The following INTS6 variants were observed in gnomAD, a reference collection of about 807,000 sequenced individuals.
The protein encoded by INTS6 is integrator complex subunit 6, also known as DEAD box protein.
INTS6 carries 16 observed loss-of-function variants against 104.9 expected under a neutral mutation model. The observed-to-expected ratio is 0.15, with a 90% CI of 0.10 to 0.23. The LOEUF is 0.23. INTS6 is among the 10% of genes least tolerant of loss of function. INTS6 has a pLI of 1.00. For synonymous variants in INTS6, 324 were observed against 358.7 expected (o/e 0.90, Z 1.09); for missense variants, 584 against 1,062.8 (o/e 0.55, Z 6.26).
Position 51,381,973 on chromosome 13 carries a change from T to C in INTS6, c.1275+56A>G, listed in dbSNP as rs1956058742. ...GCCTCGGCCTCCCAAAGTGCTGGGA[T>C]TACAGGCGTGAGTCACTGCGCCCGG... On this transcript the variant is annotated intron_variant, in intron 10 of 17. Transcript: ENST00000311234. 31 of 1,169,238 alleles carry C rather than the reference T, an allele frequency of 2.7e-5. No homozygotes were observed. In the South Asian group the frequency reaches 3.5e-4, roughly 13 times the overall value. 72.4% of individuals were successfully genotyped at this position (1,169,238 alleles called of 1,614,324 possible). A position where few individuals can be genotyped will look rare whatever the true frequency, so the allele number is the denominator to read the frequency against.
At chr13:51,354,591 G>GAA (rs11318595) in intron 3 of INTS6, among the ~76,000 whole-genome samples, 4 of 129,990 alleles carry the variant, frequency 3.1e-5, no homozygotes, top group South Asian at 2.3e-4. Flanking sequence ...CCCCATCTCA[G>GAA]AAAAAAAAAA....
chr13:51,347,372 G>A, the INTS6 span: 1 of 736,042 alleles, frequency 1.4e-6, no homozygotes, highest in Non-Finnish European at 2.3e-6. Context: ...GGGCATGCAT[G>A]GCGGAAGGAA....
At chr13:51,396,168 A>G (rs1261898489) in intron 4 of INTS6, among the ~76,000 whole-genome samples, 1 of 152,194 alleles carries the variant, frequency 6.6e-6, no homozygotes, top group African/African-American at 2.4e-5. Context: ...CAGAGTCAGT[A>G]CTTTTTTATT....
chr13:51,368,907 C>A lies in INTS6; in HGVS notation c.2476+32G>T, dbSNP rs1204772205. The A allele has an allele frequency of 2.6e-6, 4 of 1,513,096 alleles. No homozygotes were observed. The African/African-American group carries it at 5.6e-5, about 21-fold the overall frequency. The allele number at this position is 1,513,096 out of a possible 1,614,324, so 93.7% of individuals were successfully genotyped here. A position where few individuals can be genotyped will look rare whatever the true frequency, so the allele number is the denominator to read the frequency against. On this transcript the variant is annotated intron_variant, in intron 16 of 17. Transcript: ENST00000311234. The stretch of plus-strand genomic sequence containing the variant: ...TTGCTTTTTGAGCACATACAGAAAT[C>A]AGATCTGAGGTTCGTCTCTTATTAT...
At chr13:51,346,826 G>A in the INTS6 span, among the ~76,000 whole-genome samples, 366 of 152,360 alleles carry the variant, frequency 2.4e-3, 10 homozygotes, top group Admixed American at 0.021. Context: ...GTCCCTGACA[G>A]CACAAGGAGC....
At chr13:51,383,094 C>A (rs1345431238) in intron 9 of INTS6, among the ~76,000 whole-genome samples, 1 of 150,476 alleles carries the variant, frequency 6.6e-6, no homozygotes, top group African/African-American at 2.5e-5. Flanking sequence ...CCTCCCCCAC[C>A]CCCCCGCAAA....
chr13:51,445,891 A>C (rs1952906444), intron 3 of INTS6: 1 of 152,242 alleles, frequency 6.6e-6, no homozygotes. Context: ...CAAAAGAATG[A>C]AGTTGGACCC....
chr13:51,426,734 T>C (rs2138086552), intron 4 of INTS6, among the ~76,000 whole-genome samples: 1 of 152,098 alleles, frequency 6.6e-6, no homozygotes, highest in Admixed American at 6.5e-5. Context: ...GAACACTGAA[T>C]AAGAACAGAA....
chr13:51,420,142 A>G (rs1438759140), intron 4 of INTS6, among the ~76,000 whole-genome samples: 2 of 152,178 alleles, frequency 1.3e-5, no homozygotes, highest in Non-Finnish European at 2.9e-5. Flanking sequence ...TTATTCAAGA[A>G]GCAAAGATCA....
the INTS6 span, among the ~76,000 whole-genome samples, chr13:51,347,678 A>G: frequency 1.3e-5 from 2 of 152,176 alleles, no homozygotes; most frequent in Non-Finnish European, 2.9e-5. Context: ...ATAATTCTCA[A>G]GTTTTAAACT....
chr13:51,394,394 T>C (rs1307604904), intron 5 of INTS6, among the ~76,000 whole-genome samples: 1 of 152,106 alleles, frequency 6.6e-6, no homozygotes, highest in African/African-American at 2.4e-5. Context: ...ATTTCCAAAA[T>C]CCATAGAATT....
At chr13:51,415,592 C>T (rs1427333246) in intron 4 of INTS6, among the ~76,000 whole-genome samples, 1 of 152,196 alleles carries the variant, frequency 6.6e-6, no homozygotes, top group Admixed American at 6.5e-5. Context: ...ACTTGCTCCT[C>T]CTTGCCTTCC....
rs558116678 is a variant in INTS6, at chr13:51,406,344, G to A, written c.430-10861C>T. 1.1e-4 allele frequency among the ~76,000 whole-genome samples: 17 copies of A among 152,136 alleles called. No individual in the cohort carries two copies. In the South Asian group the frequency reaches 1.3e-3, roughly 11 times the overall value. On this transcript the variant is annotated intron_variant, in intron 4 of 17. Coordinates refer to ENST00000311234, the MANE Select transcript of INTS6 (RefSeq NM_012141.3). Reference sequence around the variant, plus strand: ...TGTCAAACTAAACATGTTCAAAACTGAACTTAAGATTTTCCTCTACCCAAA... The same window carrying A: ...TGTCAAACTAAACATGTTCAAAACTAAACTTAAGATTTTCCTCTACCCAAA...
At position 51,452,890 on chromosome 13, in the gene INTS6, C is replaced by T. The variant is rs956917376; in HGVS notation, c.-365G>A. The T allele has an allele frequency of 2.7e-6, 3 of 1,129,766 alleles. No individual in the cohort carries two copies. The highest frequency in any genetic ancestry group is 3.3e-6 in the Non-Finnish European group (3 of 916,922). The allele number at this position is 1,129,766 out of a possible 1,614,324, so 70.0% of individuals were successfully genotyped here. A position where few individuals can be genotyped will look rare whatever the true frequency, so the allele number is the denominator to read the frequency against. The stretch of plus-strand genomic sequence containing the variant: ...ACGGGCCTGGCTCCCCACCCCACCC[C>T]CGGTACAGGAGTGGGGACCTGGGAG... On this transcript the variant is annotated 5_prime_UTR_variant, in exon 1 of 18. Coordinates refer to ENST00000311234, the MANE Select transcript of INTS6 (RefSeq NM_012141.3). The surrounding 1 kb of genome is among the most constrained non-coding windows in gnomAD (Gnocchi z 4.2).
chr13:51,434,025 T>C (rs1957143140), intron 3 of INTS6, among the ~76,000 whole-genome samples: 1 of 152,222 alleles, frequency 6.6e-6, no homozygotes, highest in Non-Finnish European at 1.5e-5. Flanking sequence ...ACATGGTCTT[T>C]CTGTACCACC....
chr13:51,349,627 G>T (rs1955385977), downstream of INTS6, among the ~76,000 whole-genome samples: 1 of 152,150 alleles, frequency 6.6e-6, no homozygotes, highest in Non-Finnish European at 1.5e-5. Flanking sequence ...TCCTCGAGCA[G>T]TTCTTCCCTG....
chr13:51,399,711 T>G (rs992743018), intron 4 of INTS6, among the ~76,000 whole-genome samples: 3 of 148,482 alleles, frequency 2.0e-5, no homozygotes, highest in Admixed American at 6.7e-5. Context: ...ATTGTGGGTG[T>G]GTGTGTGTGT....
intron 6 of INTS6, among the ~76,000 whole-genome samples, chr13:51,388,354 T>TTGTG (rs754391935): frequency 6.6e-6 from 1 of 151,308 alleles, no homozygotes; most frequent in East Asian, 2.0e-4. Context: ...CTCTAAATCT[T>TTGTG]TGTGTGTGTG....
At chr13:51,435,574 A>G (rs1957172340) in intron 3 of INTS6, among the ~76,000 whole-genome samples, 1 of 152,052 alleles carries the variant, frequency 6.6e-6, no homozygotes, top group Admixed American at 6.5e-5. Context: ...GTTATTTTTG[A>G]AAGAAAATGC....
Sources: allele counts gnomAD v4.1 joint callset (sites outside exome capture counted in the v4.1 genomes callset), GRCh38; gene constraint gnomAD v4.1.1; non-coding constraint Gnocchi (gnomAD v3.1); transcripts MANE v1.5; gene names NCBI Gene and HGNC (gene_info 2026-07-23, HGNC 2026-07-21).